Variants in SH3KBP1 observed in about 807,000 individuals in gnomAD.
The protein encoded by SH3KBP1 is SH3 domain containing kinase binding protein 1.
A neutral mutation model predicts 50.1 loss-of-function variants in SH3KBP1; 8 were observed. The ratio of observed to expected loss-of-function variants is 0.16; its 90% CI spans 0.09 to 0.29. SH3KBP1 has a LOEUF of 0.29. SH3KBP1 is among the 10% of genes least tolerant of loss of function. SH3KBP1 has a pLI of 1.00. For missense variants in SH3KBP1, 377 were observed against 535.2 expected, an observed-to-expected ratio of 0.70 and a Z score of 2.92; for synonymous variants, 227 against 218.6, an observed-to-expected ratio of 1.04 and a Z score of -0.34.
At chrX:19,774,873 A>T (rs1299700156) in intron 2 of SH3KBP1, among the ~76,000 whole-genome samples, 2 of 110,951 alleles carry the variant, frequency 1.8e-5, no homozygotes, top group African/African-American at 6.6e-5. Context: ...AGACAAAAAA[A>T]GTAATCATCA....
chrX:19,672,411 G>A lies in SH3KBP1; in HGVS notation c.726+11412C>T, dbSNP rs139077165. 8.2e-3 allele frequency among the ~76,000 whole-genome samples: 916 copies of A among 111,677 alleles called. 4 individuals are homozygous for A. Among genetic ancestry groups the A allele is most frequent in the Middle Eastern group, 0.014 (3 of 216 alleles). ...AGGGAAAAAACCAGAACTTTCGAGC[G>A]GAGAAACCTGACTAACACCTACGTC... On this transcript the variant is annotated intron_variant, in intron 6 of 17. Coordinates refer to ENST00000397821, the MANE Select transcript of SH3KBP1 (RefSeq NM_031892.3).
At chrX:19,808,213 C>T (rs1343946244) in intron 2 of SH3KBP1, among the ~76,000 whole-genome samples, 1 of 110,787 alleles carries the variant, frequency 9.0e-6, no homozygotes, top group East Asian at 2.8e-4. Flanking sequence ...ACACAGCGGG[C>T]CTGTGTCTTG....
At chrX:19,589,308 G>A (rs920042494) in intron 11 of SH3KBP1, among the ~76,000 whole-genome samples, 1 of 112,096 alleles carries the variant, frequency 8.9e-6, no homozygotes, top group Non-Finnish European at 1.9e-5. Context: ...TGGAGTCAGG[G>A]CTCAGCAGAG....
At chrX:19,618,381 GTC>G (rs1443746354) in intron 8 of SH3KBP1, among the ~76,000 whole-genome samples, 3 of 60,844 alleles carry the variant, frequency 4.9e-5, no homozygotes, top group African/African-American at 2.7e-4. Context: ...GCGAGACTCT[GTC>G]TCAAAAAAAA....
chrX:19,794,320 C>T (rs1475893020), intron 2 of SH3KBP1, among the ~76,000 whole-genome samples: 1 of 110,249 alleles, frequency 9.1e-6, no homozygotes, highest in Non-Finnish European at 1.9e-5. Context: ...GGGAGGCTCA[C>T]TTGAGCCCAG....
At chrX:19,674,125 C>CT (rs1179902111) in intron 6 of SH3KBP1, among the ~76,000 whole-genome samples, 1 of 111,645 alleles carries the variant, frequency 9.0e-6, no homozygotes, top group Non-Finnish European at 1.9e-5. Context: ...TACATACCCC[C>CT]TTTCTCTCCA....
chrX:19,583,223 G>A (rs1443295215), intron 12 of SH3KBP1, among the ~76,000 whole-genome samples: 1 of 107,322 alleles, frequency 9.3e-6, no homozygotes, highest in Non-Finnish European at 1.9e-5. Flanking sequence ...GTGCAATCTT[G>A]GCTCGCTGCA....
chrX:19,564,039 C>G (rs747403586), intron 13 of SH3KBP1, among the ~76,000 whole-genome samples: 32 of 111,268 alleles, frequency 2.9e-4, no homozygotes, highest in Non-Finnish European at 6.0e-4. Flanking sequence ...TGAACCTGAG[C>G]AATTGCTCAA....
chrX:19,803,151 C>A (rs2066940553), intron 2 of SH3KBP1, among the ~76,000 whole-genome samples: 1 of 112,158 alleles, frequency 8.9e-6, no homozygotes, highest in Admixed American at 9.4e-5. Flanking sequence ...CACAGAAGTT[C>A]ATGGTGACAA....
intron 17 of SH3KBP1, among the ~76,000 whole-genome samples, chrX:19,536,976 T>A (rs2064727611): frequency 9.0e-6 from 1 of 111,600 alleles, no homozygotes; most frequent in African/African-American, 3.3e-5. Context: ...GTAACAGCAG[T>A]GTTGAATCAG....
At chrX:19,829,419 T>C (rs1358837755) in intron 2 of SH3KBP1, among the ~76,000 whole-genome samples, 1 of 102,147 alleles carries the variant, frequency 9.8e-6, no homozygotes, top group Non-Finnish European at 2.0e-5. Context: ...CTGTCTGTTC[T>C]TTTTTTTTTT....
intron 1 of SH3KBP1, among the ~76,000 whole-genome samples, chrX:19,881,863 C>T (rs1008341931): frequency 9.0e-6 from 1 of 111,726 alleles, no homozygotes; most frequent in African/African-American, 3.3e-5. Context: ...AGTCTTCAAT[C>T]TCAAGCTTCA....
chrX:19,643,299 A>ATTT (rs2061905224), intron 7 of SH3KBP1, among the ~76,000 whole-genome samples: 2 of 83,012 alleles, frequency 2.4e-5, no homozygotes, highest in Non-Finnish European at 4.5e-5. Flanking sequence ...GAAACTGAAG[A>ATTT]ATTTTTTATT....
chrX:19,743,471 C>T (rs2064832117), intron 3 of SH3KBP1, among the ~76,000 whole-genome samples: 1 of 111,064 alleles, frequency 9.0e-6, no homozygotes, highest in Admixed American at 9.5e-5. Context: ...AAAAAAAAGC[C>T]CATGGAGTCA....
intron 2 of SH3KBP1, among the ~76,000 whole-genome samples, chrX:19,750,121 G>A (rs1010049685): frequency 3.6e-5 from 4 of 111,035 alleles, no homozygotes; most frequent in Non-Finnish European, 7.6e-5. Flanking sequence ...GTACAATGGC[G>A]TGATCTCAGT....
chrX:19,841,596 T>C (rs1200129943), intron 1 of SH3KBP1, among the ~76,000 whole-genome samples: 1 of 111,829 alleles, frequency 8.9e-6, no homozygotes, highest in Admixed American at 9.6e-5. Flanking sequence ...CTGAAGGGCA[T>C]AGAAAATCAA....
intron 1 of SH3KBP1, among the ~76,000 whole-genome samples, chrX:19,857,079 G>A (rs1420045862): frequency 1.0e-5 from 1 of 99,452 alleles, no homozygotes; most frequent in Non-Finnish European, 2.0e-5. Flanking sequence ...TGCATCAGAT[G>A]GTCTGTCCAT....
At chrX:19,878,505 T>TGTGA (rs1491094714) in intron 1 of SH3KBP1, among the ~76,000 whole-genome samples, 21 of 48,251 alleles carry the variant, frequency 4.4e-4, no homozygotes, top group African/African-American at 1.0e-3. Context: ...TGTGTGTGTG[T>TGTGA]GAGAGAGAGA....
chrX:19,884,164 T>C (rs2069523524), intron 1 of SH3KBP1, among the ~76,000 whole-genome samples: 1 of 112,426 alleles, frequency 8.9e-6, no homozygotes, highest in African/African-American at 3.2e-5. Flanking sequence ...CAGATTGGCC[T>C]TCTCCACTCA....
Sources: allele counts gnomAD v4.1 joint callset (sites outside exome capture counted in the v4.1 genomes callset), GRCh38; gene constraint gnomAD v4.1.1; transcripts MANE v1.5; gene names NCBI Gene and HGNC (gene_info 2026-07-23, HGNC 2026-07-21).